FILIP1: variants seen among roughly 807,000 people sequenced by gnomAD.
FILIP1 encodes filamin-A-interacting protein 1.
FILIP1 carries 61 observed loss-of-function variants against 102.1 expected under a neutral mutation model. That is an observed-to-expected ratio of 0.60 (90% CI 0.49 to 0.74). The LOEUF is 0.74. Among genes scored for constraint, FILIP1 ranks in the 30% least tolerant of loss-of-function variants. The pLI is 0.00. For synonymous variants in FILIP1, 491 were observed against 526.9 expected, an observed-to-expected ratio of 0.93 and a Z score of 0.93; for missense variants, 1,314 against 1,441.2, an observed-to-expected ratio of 0.91 and a Z score of 1.43.
chr6:75,423,288 C>T (rs144960960), intron 1 of FILIP1, among the ~76,000 whole-genome samples: 2 of 152,246 alleles, frequency 1.3e-5, no homozygotes, highest in East Asian at 3.9e-4. Context: ...TTTTGAAGTG[C>T]TGTCTTCTCT....
intron 4 of FILIP1, among the ~76,000 whole-genome samples, chr6:75,343,942 G>A (rs956161873): frequency 1.9e-4 from 29 of 152,274 alleles, no homozygotes; most frequent in African/African-American, 6.7e-4. Context: ...GCCAAAAAGT[G>A]AATAAATACA....
In FILIP1 at chr6:75,322,380, T is replaced by C. The variant is rs184896583; in HGVS notation, c.630-7178A>G. Among the ~76,000 whole-genome samples, 305 of 152,298 alleles carry C rather than the reference T, an allele frequency of 2.0e-3. 2 individuals carry two copies. The highest frequency in any genetic ancestry group is 3.5e-3 in the Admixed American group (53 of 15,298). ...AACTAGTCTTACCACCTCCTCTCCA[T>C]TCTCTTCTCCGCTCACCTTCCCATT... On this transcript the variant is annotated intron_variant, in intron 4 of 5. Transcript: ENST00000237172.
At chr6:75,405,730 C>A (rs1047558360) in intron 2 of FILIP1, among the ~76,000 whole-genome samples, 3 of 152,052 alleles carry the variant, frequency 2.0e-5, no homozygotes, top group Non-Finnish European at 4.4e-5. Flanking sequence ...ACTGCACAGG[C>A]TAAACTAATT....
intron 2 of FILIP1, among the ~76,000 whole-genome samples, chr6:75,412,791 A>G (rs1777123531): frequency 6.6e-6 from 1 of 152,168 alleles, no homozygotes; most frequent in Admixed American, 6.5e-5. Context: ...GCATATATAT[A>G]TGGAATAGAT....
chr6:75,438,644 AG>A, intron 1 of FILIP1, among the ~76,000 whole-genome samples: 1 of 152,288 alleles, frequency 6.6e-6, no homozygotes, highest in South Asian at 2.1e-4. Flanking sequence ...TAAAAAAAAA[AG>A]GCAGCATATG....
intron 5 of FILIP1, among the ~76,000 whole-genome samples, chr6:75,309,990 G>T (rs1005717517): frequency 6.6e-5 from 10 of 152,132 alleles, no homozygotes; most frequent in Admixed American, 1.3e-4. Flanking sequence ...CCTTTCAGTG[G>T]CTCCCTTTAT....
At chr6:75,390,039 C>T (rs1054603963) in intron 2 of FILIP1, among the ~76,000 whole-genome samples, 1 of 152,118 alleles carries the variant, frequency 6.6e-6, no homozygotes, top group African/African-American at 2.4e-5. Flanking sequence ...AGGTCCATGG[C>T]TCCTACCTCC....
chr6:75,350,989 G>A (rs1316638615), intron 4 of FILIP1, among the ~76,000 whole-genome samples: 1 of 152,098 alleles, frequency 6.6e-6, no homozygotes, highest in Non-Finnish European at 1.5e-5. Flanking sequence ...GCCACATAAC[G>A]ACACTTCTGT....
chr6:75,364,559 A>G (rs1035083789), intron 2 of FILIP1, among the ~76,000 whole-genome samples: 1 of 152,204 alleles, frequency 6.6e-6, no homozygotes, highest in Non-Finnish European at 1.5e-5. Flanking sequence ...ATAGGTGAAT[A>G]TATAAAGCAT....
chr6:75,299,350 C>G (rs916374984), intron 6 of FILIP1, among the ~76,000 whole-genome samples: 1 of 152,150 alleles, frequency 6.6e-6, no homozygotes, highest in Non-Finnish European at 1.5e-5. Context: ...ACAGATACCA[C>G]TCTTCTGACA....
intron 1 of FILIP1, among the ~76,000 whole-genome samples, chr6:75,433,971 T>C (rs1777923050): frequency 6.6e-6 from 1 of 152,238 alleles, no homozygotes; most frequent in African/African-American, 2.4e-5. Flanking sequence ...CTTGTTTTTG[T>C]CAGGTTTGTC....
chr6:75,415,281 C>T (rs975412671), intron 1 of FILIP1, among the ~76,000 whole-genome samples: 9 of 151,818 alleles, frequency 5.9e-5, no homozygotes, highest in African/African-American at 1.9e-4. Context: ...TTGTAACAAA[C>T]GTACTATACT....
At chr6:75,346,217 G>A (rs1227947809) in intron 4 of FILIP1, among the ~76,000 whole-genome samples, 2 of 152,188 alleles carry the variant, frequency 1.3e-5, no homozygotes, top group Non-Finnish European at 2.9e-5. Context: ...AAAGGAAAAT[G>A]TGTTTGAGAA....
intron 2 of FILIP1, among the ~76,000 whole-genome samples, chr6:75,369,344 C>A (rs1280415566): frequency 1.3e-5 from 2 of 152,124 alleles, no homozygotes; most frequent in African/African-American, 4.8e-5. Flanking sequence ...CAGTCCCAGG[C>A]AAACCAGGAC....
intron 1 of FILIP1, among the ~76,000 whole-genome samples, chr6:75,433,525 A>AT (rs1777901390): frequency 1.3e-5 from 2 of 151,694 alleles, no homozygotes; most frequent in East Asian, 1.9e-4. Context: ...GATGGGGTTG[A>AT]TTTTTTCTTG....
chr6:75,420,117 T>A (rs1777404464), intron 1 of FILIP1, among the ~76,000 whole-genome samples: 1 of 152,106 alleles, frequency 6.6e-6, no homozygotes, highest in African/African-American at 2.4e-5. Context: ...AGAAAGGGAT[T>A]CTCTTGGAGT....
At chr6:75,484,291 C>T (rs2312929) in intron 1 of FILIP1, among the ~76,000 whole-genome samples, 39,860 of 152,002 alleles carry the variant, frequency 0.26, 6,614 homozygotes, top group Non-Finnish European at 0.39. Flanking sequence ...CAGTTCCATA[C>T]TCAATTCTAC....
At chr6:75,328,132 A>G (rs965674665) in intron 4 of FILIP1, among the ~76,000 whole-genome samples, 8 of 152,200 alleles carry the variant, frequency 5.3e-5, no homozygotes, top group African/African-American at 1.9e-4. Flanking sequence ...AAAATTTAGA[A>G]GACATATCAA....
chr6:75,351,907 A>C (rs1158953564), intron 4 of FILIP1, among the ~76,000 whole-genome samples: 1 of 152,124 alleles, frequency 6.6e-6, no homozygotes, highest in African/African-American at 2.4e-5. Flanking sequence ...TTCACTGGTT[A>C]CTCCAGGATG....
Sources: allele counts gnomAD v4.1 joint callset (sites outside exome capture counted in the v4.1 genomes callset), GRCh38; gene constraint gnomAD v4.1.1; transcripts MANE v1.5; gene names NCBI Gene and HGNC (gene_info 2026-07-23, HGNC 2026-07-21).